FNDC3A: variants seen among roughly 807,000 people sequenced by gnomAD.
The protein encoded by FNDC3A is fibronectin type III domain containing 3A.
In FNDC3A, 32 loss-of-function variants were observed where a neutral mutation model predicts 148.9. That is an observed-to-expected ratio of 0.21 (90% CI 0.16 to 0.29). FNDC3A has a LOEUF of 0.29. Ranked by LOEUF, FNDC3A falls within the 10% of genes least tolerant of loss-of-function variation. The pLI is 1.00. For synonymous variants in FNDC3A, 472 were observed against 473.6 expected (o/e 1.00, Z 0.04); for missense variants, 1,191 against 1,452.8 (o/e 0.82, Z 2.93).
chr13:49,039,028 C>T (rs1402421553), intron 2 of FNDC3A, among the ~76,000 whole-genome samples: 1 of 152,076 alleles, frequency 6.6e-6, no homozygotes, highest in African/African-American at 2.4e-5. Context: ...TCATCCCTTC[C>T]ATCTGGTGCA....
At chr13:49,167,327 T>A in intron 9 of FNDC3A, 24 bp downstream of exon 9, 1 of 1,463,474 alleles carries the variant, frequency 6.8e-7, no homozygotes, top group Non-Finnish European at 9.5e-7. Flanking sequence ...ACAGATTGCC[T>A]TTATAAGATA....
intron 3 of FNDC3A, among the ~76,000 whole-genome samples, chr13:49,100,015 A>G (rs908030832): frequency 6.6e-6 from 1 of 152,146 alleles, no homozygotes; most frequent in African/African-American, 2.4e-5. Flanking sequence ...TGACTATTTG[A>G]AAGAAGAAAT....
intron 2 of FNDC3A, among the ~76,000 whole-genome samples, chr13:49,070,881 C>CTTTTTTTTTTTTTTT (rs758290861): frequency 2.0e-4 from 24 of 120,948 alleles, no homozygotes; most frequent in Non-Finnish European, 2.4e-4. Context: ...AACAGGATTT[C>CTTTTTTTTTTTTTTT]TTTTTTTTTT....
rs141725347 is a variant in FNDC3A at position 49,205,241 on chromosome 13, C to G, written c.3283-1840C>G. Among the ~76,000 whole-genome samples, 310 of 152,204 alleles carry G rather than the reference C, an allele frequency of 2.0e-3. 1 individual carries two copies. Among genetic ancestry groups the G allele is most frequent in the African/African-American group, 7.2e-3 (298 of 41,520 alleles). On this transcript the variant is annotated intron_variant, in intron 25 of 25. Coordinates refer to ENST00000492622, the MANE Select transcript of FNDC3A (RefSeq NM_001079673.2). Reference sequence around the variant, plus strand: ...CCTCATGCCATTTGTTGAGGTTTTTCTTTCTTAACCTAATACTGCCAGGCT... The same window carrying G: ...CCTCATGCCATTTGTTGAGGTTTTTGTTTCTTAACCTAATACTGCCAGGCT...
chr13:49,173,193 T>C (rs535290620), intron 11 of FNDC3A, among the ~76,000 whole-genome samples: 2 of 152,176 alleles, frequency 1.3e-5, no homozygotes, highest in Non-Finnish European at 2.9e-5. Flanking sequence ...CTATGGCTTG[T>C]ACCAAGCTAA....
intron 2 of FNDC3A, among the ~76,000 whole-genome samples, chr13:49,063,475 G>A (rs1877038904): frequency 6.6e-6 from 1 of 152,170 alleles, no homozygotes; most frequent in Non-Finnish European, 1.5e-5. Flanking sequence ...TAAACCAGGA[G>A]CATGGATTCA....
intron 3 of FNDC3A, chr13:49,110,213 T>TTC (rs1555292186): frequency 6.8e-6 from 4 of 584,166 alleles, no homozygotes; most frequent in African/African-American, 2.0e-5. Flanking sequence ...TGCTTTTTTT[T>TTC]CCCCCTTGCC....
At chr13:49,152,192 A>T (rs893259350) in intron 8 of FNDC3A, among the ~76,000 whole-genome samples, 43 of 152,330 alleles carry the variant, frequency 2.8e-4, no homozygotes, top group South Asian at 2.1e-4. Flanking sequence ...CACTACCACC[A>T]ACAGTGTAAA....
intron 1 of FNDC3A, among the ~76,000 whole-genome samples, chr13:49,003,702 CCTCT>C (rs1455057143): frequency 1.3e-5 from 2 of 152,038 alleles, no homozygotes; most frequent in African/African-American, 4.8e-5. Flanking sequence ...AGATCTGCAA[CCTCT>C]CTGACATTTA....
chr13:49,151,952 C>T (rs1883325484), intron 8 of FNDC3A, among the ~76,000 whole-genome samples: 1 of 152,130 alleles, frequency 6.6e-6, no homozygotes, highest in Admixed American at 6.5e-5. Flanking sequence ...TGAATATGTG[C>T]CACATTTTCT....
At chr13:49,015,749 T>C (rs1411282006) in intron 2 of FNDC3A, among the ~76,000 whole-genome samples, 1 of 152,022 alleles carries the variant, frequency 6.6e-6, no homozygotes, top group Non-Finnish European at 1.5e-5. Flanking sequence ...TTGTCATAGA[T>C]AGCTCTTATT....
chr13:49,079,828 A>G (rs573006754), intron 3 of FNDC3A, among the ~76,000 whole-genome samples: 1 of 152,214 alleles, frequency 6.6e-6, no homozygotes, highest in East Asian at 1.9e-4. Flanking sequence ...TTTGTCTTCT[A>G]TTTTAAGAGA....
At chr13:49,057,863 G>A (rs1876365871) in intron 2 of FNDC3A, among the ~76,000 whole-genome samples, 1 of 152,210 alleles carries the variant, frequency 6.6e-6, no homozygotes, top group Middle Eastern at 3.4e-3. Context: ...TCTGCAAAAT[G>A]AAAAGAAACA....
intron 25 of FNDC3A, among the ~76,000 whole-genome samples, chr13:49,206,139 G>A (rs1039214637): frequency 1.3e-5 from 2 of 152,200 alleles, no homozygotes; most frequent in Non-Finnish European, 2.9e-5. Flanking sequence ...AGCTCCTACA[G>A]ATTGAGCAGT....
intron 3 of FNDC3A, among the ~76,000 whole-genome samples, chr13:49,083,203 A>C (rs1182519046): frequency 1.3e-5 from 2 of 152,156 alleles, no homozygotes; most frequent in Non-Finnish European, 2.9e-5. Flanking sequence ...CTGCCTGCCA[A>C]ATTATCAGCA....
intron 3 of FNDC3A, among the ~76,000 whole-genome samples, chr13:49,084,453 G>C (rs1189128663): frequency 6.6e-6 from 1 of 152,116 alleles, no homozygotes; most frequent in African/African-American, 2.4e-5. Flanking sequence ...TTCAATATGA[G>C]CACCATTTAA....
At chr13:49,090,148 C>T (rs1007516922) in intron 3 of FNDC3A, among the ~76,000 whole-genome samples, 6 of 152,130 alleles carry the variant, frequency 3.9e-5, no homozygotes, top group Admixed American at 1.3e-4. Context: ...AGAGGCCAGA[C>T]GCGCTGGCTC....
chr13:49,152,256 AATG>A (rs1883348942), intron 8 of FNDC3A, among the ~76,000 whole-genome samples: 1 of 152,122 alleles, frequency 6.6e-6, no homozygotes, highest in Non-Finnish European at 1.5e-5. Context: ...CTGACTTTTT[AATG>A]ATCACCATTC....
At chr13:49,148,581 A>C (rs1883119280) in intron 8 of FNDC3A, among the ~76,000 whole-genome samples, 1 of 152,130 alleles carries the variant, frequency 6.6e-6, no homozygotes, top group African/African-American at 2.4e-5. Context: ...TTTTATACCA[A>C]TGCCATGCTG....
Sources: allele counts gnomAD v4.1 joint callset (sites outside exome capture counted in the v4.1 genomes callset), GRCh38; gene constraint gnomAD v4.1.1; transcripts MANE v1.5; gene names NCBI Gene and HGNC (gene_info 2026-07-23, HGNC 2026-07-21).